OSCP1: variants seen among roughly 807,000 people sequenced by gnomAD.
OSCP1 encodes organic solute carrier partner 1, also known as protein OSCP1.
A neutral mutation model predicts 45.1 loss-of-function variants in OSCP1; 35 were observed. That is an observed-to-expected ratio of 0.78 (90% confidence interval 0.59 to 1.03). The LOEUF is 1.03. Among genes scored for constraint, OSCP1 ranks in the 50% least tolerant of loss-of-function variants. The pLI is 0.00. For synonymous variants in OSCP1, 179 were observed against 180.1 expected (o/e 0.99, Z 0.05); for missense variants, 400 against 470.7 (o/e 0.85, Z 1.39).
At chr1:36,449,218 C>T (rs1649727059) in intron 1 of OSCP1, among the ~76,000 whole-genome samples, 1 of 152,064 alleles carries the variant, frequency 6.6e-6, no homozygotes, top group Admixed American at 6.6e-5. Flanking sequence ...CATACTTAAT[C>T]CTAGGAAATT....
chr1:36,420,668 G>A, intron 7 of OSCP1, 53 bp from the exon 8 acceptor site: 1 of 1,598,364 alleles, frequency 6.3e-7, no homozygotes, highest in South Asian at 1.1e-5. Flanking sequence ...CACATTTCCT[G>A]CTAAAACCTC....
At chr1:36,421,073 C>T (rs1489001864) in intron 7 of OSCP1, among the ~76,000 whole-genome samples, 1 of 152,140 alleles carries the variant, frequency 6.6e-6, no homozygotes, top group Non-Finnish European at 1.5e-5. Flanking sequence ...ATCCTGTACC[C>T]CTCTTCCTTG....
At chr1:36,428,513 G>C in intron 4 of OSCP1, 3 of 1,566,596 alleles carry the variant, frequency 1.9e-6, no homozygotes, top group Non-Finnish European at 2.6e-6. Flanking sequence ...TGTTACATAT[G>C]CTGTTTCAGT....
intron 5 of OSCP1, among the ~76,000 whole-genome samples, 163 bp from the exon 6 acceptor site, chr1:36,423,059 T>C (rs894226438): frequency 6.6e-6 from 1 of 152,150 alleles, no homozygotes; most frequent in Non-Finnish European, 1.5e-5. Context: ...ATAATATTTA[T>C]TGAGCATATG....
At chr1:36,420,325 G>T in intron 8 of OSCP1, 151 bp downstream of exon 8, 4 of 984,284 alleles carry the variant, frequency 4.1e-6, no homozygotes, top group South Asian at 3.5e-5. Context: ...TTTCATCCTG[G>T]TGGGCTATTT....
At chr1:36,422,929 C>T in intron 5 of OSCP1, 33 bp from the exon 6 acceptor site, 2 of 1,546,168 alleles carry the variant, frequency 1.3e-6, no homozygotes, top group South Asian at 1.3e-5. Context: ...ATGGAATGTT[C>T]TCCAAGCTTA....
intron 8 of OSCP1, chr1:36,420,258 G>A (rs544203429): frequency 5.7e-6 from 3 of 527,726 alleles, no homozygotes; most frequent in East Asian, 3.9e-5. Flanking sequence ...CTACGGGCGT[G>A]AGCCACTGCA....
At chr1:36,435,085 C>G (rs996631834) in intron 2 of OSCP1, among the ~76,000 whole-genome samples, 1 of 139,804 alleles carries the variant, frequency 7.2e-6, no homozygotes, top group Non-Finnish European at 1.5e-5. Flanking sequence ...CTTTTCTTTT[C>G]TTTTTCTTTT....
At position 36,422,247 on chromosome 1, in the gene OSCP1, T is replaced by C. The variant is rs772016075; in HGVS notation, c.750-28A>G. 40 of 1,595,888 alleles carry C rather than the reference T, an allele frequency of 2.5e-5. 1 individual carries two copies. The Middle Eastern group carries it at 5.0e-4, about 20-fold the overall frequency. ...GGTGTGTCAACAGAAAATGGTGACA[T>C]TATCCAGCCCCTTTCCACGGACTTC... On this transcript the variant is annotated intron_variant, in intron 6 of 9. Coordinates refer to ENST00000235532, the MANE Select transcript of OSCP1 (RefSeq NM_145047.5).
intron 1 of OSCP1, among the ~76,000 whole-genome samples, chr1:36,441,711 A>G (rs1245518558): frequency 2.9e-5 from 4 of 138,902 alleles, no homozygotes; most frequent in Non-Finnish European, 6.0e-5. Flanking sequence ...AGATCGCGCC[A>G]CTGAACTCCA....
At position 36,420,554 on chromosome 1, in the gene OSCP1, C is replaced by T. The variant is rs1341812616; in HGVS notation, c.881G>A (p.Gly294Glu). 7 of 1,614,036 alleles carry T rather than the reference C, an allele frequency of 4.3e-6. No individual in the cohort carries two copies. The African/African-American group carries it at 8.0e-5, about 18-fold the overall frequency. Residue 294 changes from glycine to glutamate, a missense_variant, in exon 8 of 10, where the codon GGA (glycine) becomes GAA (glutamate). Gly to Glu is a moderately conservative substitution (Grantham distance 98). Transcript: ENST00000235532. ...EELNFLARLM[G>E]GMEIKKPSGP... The stretch of plus-strand genomic sequence containing the variant: ...ACTGGGTTTCTTAATCTCCATCCCT[C>T]CCATCAGCCTGGCCAAGAAATTCAG...
At chr1:36,420,652 G>A (rs777439709) in intron 7 of OSCP1, 37 bp from the exon 8 acceptor site, 3 of 1,607,428 alleles carry the variant, frequency 1.9e-6, no homozygotes, top group South Asian at 2.2e-5. Context: ...GCCACATGAA[G>A]GCAATCACAT....
chr1:36,423,952 A>G (rs1447471534), intron 4 of OSCP1, among the ~76,000 whole-genome samples: 2 of 149,238 alleles, frequency 1.3e-5, no homozygotes, highest in African/African-American at 4.9e-5. Context: ...AAACAGAACT[A>G]TTTTTTTTTT....
chr1:36,438,737 A>G lies in OSCP1; in HGVS notation c.267+19T>C. On this transcript the variant is annotated intron_variant, in intron 2 of 9. Transcript: ENST00000235532. ...TACAAAAAATGCAACCAAGATGACA[A>G]AGGCAGCTGTCTGCTCACCTTATCC... 6.3e-7 allele frequency: 1 copy of G among 1,579,538 alleles called. No individual in the cohort carries two copies. The highest frequency in any genetic ancestry group is 8.6e-7 in the Non-Finnish European group (1 of 1,163,952).
intron 1 of OSCP1, among the ~76,000 whole-genome samples, chr1:36,442,245 G>T (rs1416243171): frequency 7.0e-6 from 1 of 142,922 alleles, no homozygotes; most frequent in Non-Finnish European, 1.5e-5. Flanking sequence ...AAAAAAGGAG[G>T]CTAAGGCAGG....
Position 36,425,733 on chromosome 1 carries a change from GA to G in OSCP1, c.517-2268del, listed in dbSNP as rs757643959. ...GGGCAACAGAGCAAGACTCTATCTG[GA>G]AAAAAAAAAAAAAAAGCAAAGGCTG... On this transcript the variant is annotated intron_variant, in intron 4 of 9. Transcript: ENST00000235532. Among the ~76,000 whole-genome samples, 334 of 114,982 alleles carry G rather than the reference GA, an allele frequency of 2.9e-3. 1 individual carries two copies. Among genetic ancestry groups the G allele is most frequent in the Non-Finnish European group, 3.2e-3 (172 of 53,160 alleles). 75.4% of individuals were successfully genotyped at this position (114,982 alleles called of 152,430 possible).
intron 6 of OSCP1, 120 bp from the exon 7 acceptor site, chr1:36,422,339 T>C (rs953961589): frequency 2.1e-6 from 2 of 937,072 alleles, no homozygotes; most frequent in South Asian, 2.9e-5. Context: ...AGAAAGGTGC[T>C]GTGGGTACAG....
intron 1 of OSCP1, among the ~76,000 whole-genome samples, chr1:36,439,983 C>T (rs930765841): frequency 6.6e-6 from 1 of 152,192 alleles, no homozygotes; most frequent in Non-Finnish European, 1.5e-5. Context: ...AACCAGTTAT[C>T]CTCGCCTAAA....
intron 1 of OSCP1, among the ~76,000 whole-genome samples, chr1:36,442,226 C>CAA (rs72150069): frequency 0.012 from 1,368 of 113,904 alleles, 30 homozygotes; most frequent in African/African-American, 0.039. Flanking sequence ...AACTCCGTCT[C>CAA]AAAAAAAAAA....
Sources: gnomAD v4.1 joint callset for allele counts (sites outside exome capture counted in the v4.1 genomes callset) on GRCh38, gnomAD v4.1.1 for gene constraint, MANE v1.5 for transcripts, NCBI Gene and HGNC (gene_info 2026-07-23, HGNC 2026-07-21) for gene names.